Variants in SHROOM3 observed in about 807,000 individuals in gnomAD.
The protein encoded by SHROOM3 is protein Shroom3.
In SHROOM3, 47 loss-of-function variants were observed where a neutral mutation model predicts 138.6. The ratio of observed to expected loss-of-function variants is 0.34; its 90% CI spans 0.27 to 0.43. The LOEUF is 0.43. SHROOM3 is among the 20% of genes least tolerant of loss of function. SHROOM3 has a pLI of 1.00. For missense variants in SHROOM3, 2,491 were observed against 2,596.5 expected (o/e 0.96, Z 0.88); for synonymous variants, 1,062 against 1,063.3 (o/e 1.00, Z 0.02).
chr4:76,723,349 A>G (rs1035794497), intron 3 of SHROOM3, among the ~76,000 whole-genome samples: 1 of 151,998 alleles, frequency 6.6e-6, no homozygotes, highest in Non-Finnish European at 1.5e-5. Context: ...ACCCAAACTC[A>G]TTCCTCCTCT....
In SHROOM3 at chr4:76,739,787, G is replaced by GCTGT; in HGVS notation, c.1616_1619dup (p.Pro541ValfsTer25). 6.2e-7 allele frequency: 1 copy of GCTGT among 1,614,192 alleles called. No individual in the cohort carries two copies. Among genetic ancestry groups the GCTGT allele is most frequent in the Non-Finnish European group, 8.5e-7 (1 of 1,180,042 alleles). ...TCTGCCAGCCCTTAGAACATGACTTGCTGTCCCCAGTGGAGAAGAAACCAG... is the reference window on the plus strand; with the variant it reads ...TCTGCCAGCCCTTAGAACATGACTTGCTGTCTGTCCCCAGTGGAGAAGAAACCAG... On this transcript the variant is annotated frameshift_variant, in exon 5 of 11. Coordinates refer to ENST00000296043, the MANE Select transcript of SHROOM3 (RefSeq NM_020859.4). LOFTEE classifies it high-confidence loss of function.
chr4:76,722,110 G>A (rs964415695), intron 3 of SHROOM3, among the ~76,000 whole-genome samples: 3 of 151,972 alleles, frequency 2.0e-5, no homozygotes, highest in African/African-American at 2.4e-5. Flanking sequence ...CTCCAGCTTG[G>A]GTGACAGAGT....
At chr4:76,462,953 C>A (rs1731172706) in intron 1 of SHROOM3, among the ~76,000 whole-genome samples, 1 of 152,084 alleles carries the variant, frequency 6.6e-6, no homozygotes, top group African/African-American at 2.4e-5. Context: ...CGAGAATGGA[C>A]TAATATGGAA....
intron 9 of SHROOM3, 41 bp from the exon 10 acceptor site, chr4:76,770,585 C>T (rs779406766): frequency 1.2e-6 from 2 of 1,610,682 alleles, no homozygotes; most frequent in Non-Finnish European, 1.7e-6. Flanking sequence ...CCACTGGCAC[C>T]TCCTGTTGGC....
chr4:76,764,943 T>G (rs930762783), intron 9 of SHROOM3, among the ~76,000 whole-genome samples: 1 of 152,162 alleles, frequency 6.6e-6, no homozygotes, highest in African/African-American at 2.4e-5. Flanking sequence ...ATCTTCTCCC[T>G]CCAGGACTTT....
At chr4:76,678,553 CA>C (rs1283629845) in intron 2 of SHROOM3, among the ~76,000 whole-genome samples, 5 of 152,108 alleles carry the variant, frequency 3.3e-5, no homozygotes, top group Non-Finnish European at 7.3e-5. Flanking sequence ...CTTAAGAAGA[CA>C]ACTGAGTCAG....
At chr4:76,609,731 G>A (rs983011490) in intron 2 of SHROOM3, among the ~76,000 whole-genome samples, 2 of 152,202 alleles carry the variant, frequency 1.3e-5, no homozygotes, top group Non-Finnish European at 2.9e-5. Context: ...AGGCAATTAA[G>A]TCTTTTGTGC....
rs1485792088 is a variant in SHROOM3, at chr4:76,555,748, G to A, written c.308G>A (p.Arg103Lys). 3 of 1,613,270 alleles carry A rather than the reference G, an allele frequency of 1.9e-6. No homozygotes were observed. Among genetic ancestry groups the A allele is most frequent in the Non-Finnish European group, 1.7e-6 (2 of 1,179,964 alleles). Residue 103 changes from arginine to lysine, a missense_variant, in exon 2 of 11, where the codon AGG becomes AAG. This residue lies in a region of SHROOM3 where 284 missense variants were observed against 322.8 expected (regional missense o/e 0.88). Transcript: ENST00000296043. ...SLVKGSYKTL[R>K]LVVRRDVCTD... ...GTGAAAGGATCCTACAAGACCCTCA[G>A]GCTGGTAGTGCGCAGGTAGGTGGCA...
Position 76,730,806 on chromosome 4 carries a change from G to C in SHROOM3, c.458G>C (p.Arg153Pro), listed in dbSNP as rs777596931. Residue 153 changes from arginine to proline, a missense_variant and splice_region_variant, in exon 4 of 11, where the codon CGC becomes CCC. Physicochemically the swap from Arg to Pro is moderately radical, Grantham distance 103. Transcript: ENST00000296043. ...GGVKLRLKHR[R>P]SEPAGRPHSW... ...GGGTCCCTCCTGTGTCTCCCCAGGC[G>C]CAGTGAGCCTGCAGGCCGACCTCAC... The C allele has an allele frequency of 6.2e-7, 1 of 1,613,752 alleles. No individual in the cohort carries two copies. The highest frequency in any genetic ancestry group is 1.3e-5 in the African/African-American group (1 of 74,872).
intron 1 of SHROOM3, among the ~76,000 whole-genome samples, chr4:76,501,413 A>G (rs1288104693): frequency 6.6e-6 from 1 of 152,166 alleles, no homozygotes; most frequent in African/African-American, 2.4e-5. Flanking sequence ...TTCCTAAGCA[A>G]TAAGGATGCT....
chr4:76,740,961 G>A lies in SHROOM3; in HGVS notation c.2788G>A (p.Asp930Asn), dbSNP rs1159608941. 6.7e-7 allele frequency: 1 copy of A among 1,499,356 alleles called. No individual in the cohort carries two copies. Among genetic ancestry groups the A allele is most frequent in the South Asian group, 1.4e-5 (1 of 72,172 alleles). The allele number at this position is 1,499,356 out of a possible 1,614,324, so 92.9% of individuals were successfully genotyped here. A position where few individuals can be genotyped will look rare whatever the true frequency, so the allele number is the denominator to read the frequency against. Residue 930 changes from aspartate to asparagine, a missense_variant, in exon 5 of 11, where the codon GAC becomes AAC. Physicochemically the swap from Asp to Asn is conservative, Grantham distance 23 (BLOSUM62 1). Coordinates refer to ENST00000296043, the MANE Select transcript of SHROOM3 (RefSeq NM_020859.4). The surrounding 1 kb of genome is among the most constrained non-coding windows in gnomAD (Gnocchi z 4.0). ...FSRAYRNSIK[D>N]AQSRVLGATS... ...CCGCGCCTACCGGAACAGCATCAAG[G>A]ACGCACAGTCCCGTGTCTTGGGGGC...
At chr4:76,738,388 C>A (rs1560607041) in intron 4 of SHROOM3, among the ~76,000 whole-genome samples, 1 of 152,236 alleles carries the variant, frequency 6.6e-6, no homozygotes, top group African/African-American at 2.4e-5. Context: ...CCAGTAGACA[C>A]ACAGTTTCAG....
At chr4:76,598,294 G>T (rs528596001) in intron 2 of SHROOM3, among the ~76,000 whole-genome samples, 1 of 152,072 alleles carries the variant, frequency 6.6e-6, no homozygotes. Context: ...CGAAAGTCCT[G>T]GGATTACAGG....
At chr4:76,680,301 C>T (rs528270097) in intron 2 of SHROOM3, among the ~76,000 whole-genome samples, 4 of 152,074 alleles carry the variant, frequency 2.6e-5, no homozygotes, top group Admixed American at 6.5e-5. Flanking sequence ...CCACCACGCC[C>T]GGCTAATTTT....
intron 2 of SHROOM3, among the ~76,000 whole-genome samples, chr4:76,668,087 C>A (rs544797332): frequency 6.6e-6 from 1 of 151,878 alleles, no homozygotes; most frequent in Non-Finnish European, 1.5e-5. Flanking sequence ...CCTGCAGCTC[C>A]TGGTGCTGCT....
chr4:76,680,797 A>G (rs1363813480), intron 2 of SHROOM3, among the ~76,000 whole-genome samples: 2 of 152,088 alleles, frequency 1.3e-5, no homozygotes, highest in African/African-American at 4.8e-5. Context: ...GCCAGGACTC[A>G]AATTTACCTA....
intron 3 of SHROOM3, among the ~76,000 whole-genome samples, chr4:76,720,800 C>T (rs1405492159): frequency 5.3e-5 from 8 of 151,162 alleles, no homozygotes; most frequent in Admixed American, 6.6e-5. Flanking sequence ...TTACTAGAGA[C>T]GGGGTTTCAC....
At chr4:76,644,284 T>TTTTTTTTTTTTTTTTTC (rs1735759793) in intron 2 of SHROOM3, 1 of 151,074 alleles carries the variant, frequency 6.6e-6, no homozygotes. Context: ...GAGTTTTTGC[T>TTTTTTTTTTTTTTTTTC]CTTGTTGCCC....
chr4:76,571,491 C>T lies in SHROOM3; in HGVS notation c.323+15728C>T, dbSNP rs73828170. ...CGTTCACTAAATAAATTAGCCTTCCCGTGTTGTCTCACTCATTTGACATTA... is the reference window on the plus strand; with the variant it reads ...CGTTCACTAAATAAATTAGCCTTCCTGTGTTGTCTCACTCATTTGACATTA... On this transcript the variant is annotated intron_variant, in intron 2 of 10. Coordinates refer to ENST00000296043, the MANE Select transcript of SHROOM3 (RefSeq NM_020859.4). 8.6e-3 allele frequency among the ~76,000 whole-genome samples: 1,306 copies of T among 152,282 alleles called. 17 individuals are homozygous for T. The highest frequency in any genetic ancestry group is 0.03 in the African/African-American group (1,244 of 41,528).
Sources: allele counts gnomAD v4.1 joint callset (sites outside exome capture counted in the v4.1 genomes callset), GRCh38; gene constraint gnomAD v4.1.1; regional missense constraint gnomAD v4.1.1; non-coding constraint Gnocchi (gnomAD v3.1); transcripts MANE v1.5; gene names NCBI Gene and HGNC (gene_info 2026-07-23, HGNC 2026-07-21).